The following HNRNPUL2 variants were observed in gnomAD, a reference collection of about 807,000 sequenced individuals.
HNRNPUL2 encodes the protein heterogeneous nuclear ribonucleoprotein U like 2, also known as heterogeneous nuclear ribonucleoprotein U-like protein 2.
HNRNPUL2 carries 27 observed loss-of-function variants against 102.2 expected under a neutral mutation model. The observed-to-expected ratio is 0.26, with a 90% confidence interval of 0.19 to 0.36. HNRNPUL2 has a LOEUF of 0.36. Among genes scored for constraint, HNRNPUL2 ranks in the 10% least tolerant of loss-of-function variants. The pLI, the probability that HNRNPUL2 is intolerant of heterozygous loss-of-function variation, is 1.00. For missense variants in HNRNPUL2, 936 were observed against 981.1 expected (o/e 0.95, Z 0.61); for synonymous variants, 458 against 387.2 (o/e 1.18, Z -2.15).
chr11:62,727,024 C>T lies in HNRNPUL2; in HGVS notation c.133G>A (p.Glu45Lys). Residue 45 changes from glutamate to lysine, a missense_variant, in exon 1 of 14, where the codon GAG (glutamate) becomes AAG (lysine). Coordinates refer to ENST00000301785, the MANE Select transcript of HNRNPUL2 (RefSeq NM_001079559.3). ...EALDAEMLED[E>K]AGGGGAGPGG... ...GGCCCGGCCCCGCCGCCGCCGGCCT[C>T]GTCCTCGAGCATCTCGGCGTCCAGC... The T allele has an allele frequency of 7.2e-7, 1 of 1,388,822 alleles. No homozygotes were observed. The allele number at this position is 1,388,822 out of a possible 1,614,324, so 86.0% of individuals were successfully genotyped here.
chr11:62,717,434 T>C (rs548279603), intron 10 of HNRNPUL2, among the ~76,000 whole-genome samples: 29 of 152,382 alleles, frequency 1.9e-4, no homozygotes, highest in Non-Finnish European at 3.8e-4. Flanking sequence ...AAGTGATCTA[T>C]AATAAATTAG....
At chr11:62,722,064 C>T (rs1163844640) in intron 7 of HNRNPUL2, 53 bp downstream of exon 7, 3 of 1,602,886 alleles carry the variant, frequency 1.9e-6, no homozygotes, top group African/African-American at 1.3e-5. Flanking sequence ...AGAGCATACG[C>T]ACCCACCTCT....
In HNRNPUL2 at chr11:62,722,697, A is replaced by G. The variant is rs2083712644; in HGVS notation, c.999T>C (p.Ser333=). 1 of 1,613,978 alleles carries G rather than the reference A, an allele frequency of 6.2e-7. No individual in the cohort carries two copies. ...TGAGTCCTCGTCCATCGAAACCGTAAGAGAATTCATCTTCACCTAGAACAG... is the reference window on the plus strand; with the variant it reads ...TGAGTCCTCGTCCATCGAAACCGTAGGAGAATTCATCTTCACCTAGAACAG... The part of the protein sequence containing the change: ...SRPQLGEDEF[S]YGFDGRGLKA... The change falls in exon 6 of 14, where the codon TCT becomes TCC. Residue 333 remains serine (S), a synonymous_variant. Transcript: ENST00000301785.
At chr11:62,724,793 CTT>C (rs1398169221) in intron 1 of HNRNPUL2, among the ~76,000 whole-genome samples, 4 of 152,318 alleles carry the variant, frequency 2.6e-5, no homozygotes, top group East Asian at 1.9e-4. Flanking sequence ...AATTTTGACT[CTT>C]GTCAGATCTA....
At chr11:62,721,734 C>CAA in intron 8 of HNRNPUL2, 86 bp downstream of exon 8, 2 of 1,440,210 alleles carry the variant, frequency 1.4e-6, no homozygotes, top group Non-Finnish European at 1.9e-6. Context: ...CCCTTGTTCT[C>CAA]AGACACTTGA....
rs1565159071 is a variant in HNRNPUL2, at chr11:62,715,392, G to A, written c.2164-13C>T. 1 of 1,611,594 alleles carries A rather than the reference G, an allele frequency of 6.2e-7. No individual in the cohort carries two copies. Among genetic ancestry groups the A allele is most frequent in the Admixed American group, 1.7e-5 (1 of 59,960 alleles). ...AGTAACTCTGCCACTAGAAGAGAGG[G>A]AAACCCCATCACTTGGAGCCAGAGC... is the stretch of plus-strand genomic sequence containing the variant. On this transcript the variant is annotated splice_polypyrimidine_tract_variant and intron_variant, in intron 13 of 13. Coordinates refer to ENST00000301785, the MANE Select transcript of HNRNPUL2 (RefSeq NM_001079559.3).
At position 62,720,112 on chromosome 11, in the gene HNRNPUL2, G is replaced by A; in HGVS notation, c.1691C>T (p.Pro564Leu). The change falls in exon 10 of 14, where the codon CCT becomes CTT. Residue 564 changes from proline to leucine, a missense_variant. This residue lies in a region of HNRNPUL2 where 609 missense variants were observed against 713.0 expected (regional missense o/e 0.85). Coordinates refer to ENST00000301785, the MANE Select transcript of HNRNPUL2 (RefSeq NM_001079559.3). ...CCTCTTCTTCCAATCTTCCTCATTA[G>A]GGACAACCACCACCACTTTCCGAGA... ...TFSRKVVVVV[P>L]NEEDWKKRLE... The A allele has an allele frequency of 6.2e-7, 1 of 1,614,076 alleles. No homozygotes were observed. Among genetic ancestry groups the A allele is most frequent in the Non-Finnish European group, 8.5e-7 (1 of 1,179,986 alleles).
chr11:62,722,723 TCAA>T lies in HNRNPUL2; in HGVS notation c.983-13_983-11del. The T allele has an allele frequency of 6.2e-7, 1 of 1,611,478 alleles. No homozygotes were observed. Among genetic ancestry groups the T allele is most frequent in the South Asian group, 1.1e-5 (1 of 91,032 alleles). On this transcript the variant is annotated splice_polypyrimidine_tract_variant and intron_variant, in intron 5 of 13. Transcript: ENST00000301785. Reference sequence around the variant, plus strand: ...GAGAATTCATCTTCACCTAGAACAGTCAACAAATTAGTTACCTACAACCGGACT... The same window carrying T: ...GAGAATTCATCTTCACCTAGAACAGTCAAATTAGTTACCTACAACCGGACT...
intron 9 of HNRNPUL2, 95 bp downstream of exon 9, chr11:62,721,200 G>A (rs974349414): frequency 7.0e-6 from 8 of 1,144,064 alleles, no homozygotes; most frequent in Admixed American, 2.6e-5. Context: ...ACAACCAGAT[G>A]GTCATAATTA....
chr11:62,727,233 G>A lies in HNRNPUL2; in HGVS notation c.-77C>T, dbSNP rs1365101360. 9 of 1,287,944 alleles carry A rather than the reference G, an allele frequency of 7.0e-6. No individual in the cohort carries two copies. Among genetic ancestry groups the A allele is most frequent in the South Asian group, 2.0e-5 (1 of 48,912 alleles). 79.8% of individuals were successfully genotyped at this position (1,287,944 alleles called of 1,614,324 possible). ...GACCGAGTCCGACCGCGCAGGCGCC[G>A]CCGCCGCCGCCCGCCTCCGCCTCAC... On this transcript the variant is annotated 5_prime_UTR_variant, in exon 1 of 14. Transcript: ENST00000301785.
At chr11:62,721,246 T>A (rs2083700333) in intron 9 of HNRNPUL2, 49 bp downstream of exon 9, 5 of 1,539,132 alleles carry the variant, frequency 3.2e-6, no homozygotes, top group Non-Finnish European at 4.4e-6. Context: ...CAGTCTCTCT[T>A]TATATACACA....
At position 62,727,430 on chromosome 11, in the gene HNRNPUL2, C is replaced by G; in HGVS notation, c.-274G>C. ...CCCCTCCAGGCCCTTGGTTCCCCAG[C>G]CGCGGGCAGGCGCGCGCGGAGGACG... On this transcript the variant is annotated 5_prime_UTR_variant, in exon 1 of 14. Coordinates refer to ENST00000301785, the MANE Select transcript of HNRNPUL2 (RefSeq NM_001079559.3). 3.1e-6 allele frequency: 1 copy of G among 322,866 alleles called. No homozygotes were observed. The highest frequency in any genetic ancestry group is 5.3e-6 in the Non-Finnish European group (1 of 187,042). The allele number at this position is 322,866 out of a possible 1,614,324, so 20.0% of individuals were successfully genotyped here. A position where few individuals can be genotyped will look rare whatever the true frequency, so the allele number is the denominator to read the frequency against.
At chr11:62,724,824 A>G (rs2083731746) in intron 1 of HNRNPUL2, among the ~76,000 whole-genome samples, 1 of 152,268 alleles carries the variant, frequency 6.6e-6, no homozygotes, top group South Asian at 2.1e-4. Context: ...GTAGGCAGTT[A>G]GTACATATTT....
Position 62,715,518 on chromosome 11 carries a change from G to A in HNRNPUL2, c.2145C>T (p.Tyr715=), listed in dbSNP as rs746649092. ...TACTCACATCCCGATTGTATTGTCTGTAATAGTCTCTGTATCTGTTGTACT... is the reference window on the plus strand; with the variant it reads ...TACTCACATCCCGATTGTATTGTCTATAATAGTCTCTGTATCTGTTGTACT... ...DYEYNRYRDY[Y]RQYNRDWQSY... Residue 715 remains tyrosine (Y), a synonymous_variant, in exon 13 of 14, where the codon TAC becomes TAT. Coordinates refer to ENST00000301785, the MANE Select transcript of HNRNPUL2 (RefSeq NM_001079559.3). 9 of 1,611,200 alleles carry A rather than the reference G, an allele frequency of 5.6e-6. No homozygotes were observed. Among genetic ancestry groups the A allele is most frequent in the Middle Eastern group, 3.3e-4 (2 of 6,056 alleles).
intron 11 of HNRNPUL2, 139 bp from the exon 12 acceptor site, chr11:62,716,076 A>G (rs540053290): frequency 6.8e-6 from 4 of 587,046 alleles, no homozygotes; most frequent in Admixed American, 3.6e-5. Context: ...ACACATGTTA[A>G]TTAAAGCACC....
In HNRNPUL2 at chr11:62,727,056, T is replaced by C; in HGVS notation, c.101A>G (p.Gln34Arg). 1 of 1,422,682 alleles carries C rather than the reference T, an allele frequency of 7.0e-7. No individual in the cohort carries two copies. The highest frequency in any genetic ancestry group is 9.2e-7 in the Non-Finnish European group (1 of 1,087,222). The allele number at this position is 1,422,682 out of a possible 1,614,324, so 88.1% of individuals were successfully genotyped here. A position where few individuals can be genotyped will look rare whatever the true frequency, so the allele number is the denominator to read the frequency against. ...GLKVDLAQRL[Q>R]EALDAEMLED... ...GAGCATCTCGGCGTCCAGCGCCTCC[T>C]GCAGCCGCTGCGCCAGATCCACCTT... The change falls in exon 1 of 14, where the codon CAG becomes CGG. Residue 34 changes from glutamine (Q) to arginine (R), a missense_variant. Gln to Arg is a conservative substitution (Grantham distance 43). Transcript: ENST00000301785.
chr11:62,721,211 G>C, intron 9 of HNRNPUL2, 84 bp downstream of exon 9: 1 of 1,278,668 alleles, frequency 7.8e-7, no homozygotes, highest in Non-Finnish European at 1.1e-6. Flanking sequence ...GTCATAATTA[G>C]GTAAGCTGAC....
chr11:62,717,963 C>A (rs760744225), intron 10 of HNRNPUL2, among the ~76,000 whole-genome samples: 1 of 152,204 alleles, frequency 6.6e-6, no homozygotes, highest in Admixed American at 6.5e-5. Context: ...AAATTCAGTT[C>A]AATGGGGCTC....
In HNRNPUL2 at chr11:62,716,982, G is replaced by A. The variant is rs369160116; in HGVS notation, c.1981+7C>T. 5.0e-6 allele frequency: 8 copies of A among 1,612,382 alleles called. No homozygotes were observed. Among genetic ancestry groups the A allele is most frequent in the South Asian group, 1.1e-5 (1 of 90,992 alleles). On this transcript the variant is annotated splice_region_variant and intron_variant, in intron 11 of 13. Transcript: ENST00000301785. ...AAGTAGGGGGCTGGCAGGTCCCCAAGACTCACCATAGCCTTGGCCCCGGCT... is the reference window on the plus strand; with the variant it reads ...AAGTAGGGGGCTGGCAGGTCCCCAAAACTCACCATAGCCTTGGCCCCGGCT...
Sources: allele counts gnomAD v4.1 joint callset (sites outside exome capture counted in the v4.1 genomes callset), GRCh38; gene constraint gnomAD v4.1.1; regional missense constraint gnomAD v4.1.1; transcripts MANE v1.5; gene names NCBI Gene and HGNC (gene_info 2026-07-23, HGNC 2026-07-21).